Variants in VEGFC observed in about 807,000 individuals in gnomAD.
VEGFC encodes FLT4 ligand DHM.
VEGFC carries 12 observed loss-of-function variants against 46.1 expected under a neutral mutation model. That is an observed-to-expected ratio of 0.26 (90% CI 0.17 to 0.42). The LOEUF (loss-of-function observed/expected upper bound fraction) is 0.42. Ranked by LOEUF, VEGFC falls within the 10% of genes least tolerant of loss-of-function variation. The pLI is 1.00. For missense variants in VEGFC, 488 were observed against 529.4 expected (o/e 0.92, Z 0.77); for synonymous variants, 232 against 195.5 (o/e 1.19, Z -1.56).
intron 4 of VEGFC, among the ~76,000 whole-genome samples, chr4:176,709,357 G>A (rs1734584454): frequency 6.6e-6 from 1 of 152,174 alleles, no homozygotes; most frequent in African/African-American, 2.4e-5. Flanking sequence ...TTAGCTGAAT[G>A]TTGCAGACAA....
chr4:176,779,418 G>A (rs966884540), intron 1 of VEGFC, among the ~76,000 whole-genome samples: 2 of 152,120 alleles, frequency 1.3e-5, no homozygotes, highest in Admixed American at 6.5e-5. Context: ...TCTGGAAGAA[G>A]TTTAAAATGT....
chr4:176,692,415 CA>C lies in VEGFC; in HGVS notation c.705-4489del, dbSNP rs754971358. Among the ~76,000 whole-genome samples the C allele has an allele frequency of 1.3e-4, 16 of 123,054 alleles. 2 individuals carry two copies. Among genetic ancestry groups the C allele is most frequent in the African/African-American group, 3.4e-4 (8 of 23,750 alleles). The allele number at this position is 123,054 out of a possible 152,430, so 80.7% of individuals were successfully genotyped here. ...TCTCAAAAACAAACAAACAAACAAA[CA>C]AAAAAAAAACAAAAAACGGCACACC... On this transcript the variant is annotated intron_variant, in intron 4 of 6. Coordinates refer to ENST00000618562, the MANE Select transcript of VEGFC (RefSeq NM_005429.5).
intron 1 of VEGFC, among the ~76,000 whole-genome samples, chr4:176,788,355 T>C (rs1279757436): frequency 3.3e-5 from 5 of 152,216 alleles, no homozygotes; most frequent in Admixed American, 6.5e-5. Flanking sequence ...TGCAACAAGG[T>C]GCCCCTAACT....
intron 4 of VEGFC, chr4:176,689,795 A>T (rs947635514): frequency 2.0e-5 from 3 of 152,220 alleles, no homozygotes; most frequent in Non-Finnish European, 4.4e-5. Flanking sequence ...CGGTCCATGT[A>T]ACTAGATACA....
chr4:176,767,632 T>C (rs1735650048), intron 1 of VEGFC, among the ~76,000 whole-genome samples: 1 of 152,206 alleles, frequency 6.6e-6, no homozygotes, highest in Admixed American at 6.5e-5. Flanking sequence ...CACACCTCTA[T>C]AAAATGAACC....
chr4:176,689,565 G>A (rs1734111210), intron 4 of VEGFC: 1 of 152,056 alleles, frequency 6.6e-6, no homozygotes, highest in African/African-American at 2.4e-5. Context: ...TTGCCCCCTT[G>A]TCCTCCATCC....
intron 3 of VEGFC, among the ~76,000 whole-genome samples, chr4:176,713,001 C>A (rs1734642436): frequency 6.6e-6 from 1 of 152,132 alleles, no homozygotes; most frequent in Non-Finnish European, 1.5e-5. Context: ...CTTCTCCAAG[C>A]TGTATTTTTC....
chr4:176,729,471 G>T, intron 2 of VEGFC, 62 bp downstream of exon 2: 1 of 1,433,380 alleles, frequency 7.0e-7, no homozygotes, highest in South Asian at 1.4e-5. Flanking sequence ...AAAGAACCAG[G>T]CTGGCAACTT....
chr4:176,770,634 A>G (rs1486768837), intron 1 of VEGFC, among the ~76,000 whole-genome samples: 1 of 148,744 alleles, frequency 6.7e-6, no homozygotes, highest in African/African-American at 2.6e-5. Context: ...CGACTTTGAA[A>G]TTATCTATTT....
intron 1 of VEGFC, among the ~76,000 whole-genome samples, chr4:176,787,205 T>C (rs1223636113): frequency 6.6e-6 from 1 of 152,138 alleles, no homozygotes; most frequent in Non-Finnish European, 1.5e-5. Context: ...CTCATGCCTG[T>C]AATCCCAGCA....
intron 1 of VEGFC, among the ~76,000 whole-genome samples, chr4:176,734,557 A>T (rs1418924337): frequency 6.6e-6 from 1 of 151,796 alleles, no homozygotes; most frequent in East Asian, 1.9e-4. Context: ...ACCTTTTGAA[A>T]CTAAAAATAA....
intron 1 of VEGFC, among the ~76,000 whole-genome samples, chr4:176,769,054 T>C (rs1735680399): frequency 2.0e-5 from 3 of 151,848 alleles, no homozygotes; most frequent in Admixed American, 2.0e-4. Context: ...CAAGAATAAA[T>C]TGGTACCCTT....
intron 3 of VEGFC, among the ~76,000 whole-genome samples, chr4:176,726,680 T>C (rs1287663314): frequency 6.6e-6 from 1 of 152,178 alleles, no homozygotes; most frequent in Non-Finnish European, 1.5e-5. Context: ...AAAAATGTAG[T>C]TCATGGAATT....
chr4:176,684,078 C>G, intron 6 of VEGFC, 38 bp from the exon 7 acceptor site: 1 of 1,437,622 alleles, frequency 7.0e-7, no homozygotes, highest in Non-Finnish European at 9.8e-7. Flanking sequence ...CGTTAAAGAT[C>G]AAGGCAATGG....
intron 1 of VEGFC, among the ~76,000 whole-genome samples, chr4:176,746,568 C>G (rs977236630): frequency 6.6e-6 from 1 of 151,982 alleles, no homozygotes; most frequent in Non-Finnish European, 1.5e-5. Context: ...TTTTAAAAAC[C>G]TCTTCCTCTT....
chr4:176,687,283 T>C lies in VEGFC; in HGVS notation c.1049A>G (p.Asn350Ser). 1.2e-6 allele frequency: 2 copies of C among 1,614,258 alleles called. No homozygotes were observed. Among genetic ancestry groups the C allele is most frequent in the South Asian group, 2.2e-5 (2 of 91,090 alleles). Residue 350 changes from asparagine (N) to serine (S), a missense_variant, in exon 6 of 7, where the codon AAT (asparagine) becomes AGT (serine). Coordinates refer to ENST00000618562, the MANE Select transcript of VEGFC (RefSeq NM_005429.5). ...ACATTTTCCAGGATTTAGGGGTTGA[T>C]TTCTGGGGCAGGTTCTTTTACATAC... ...QCVCKRTCPR[N>S]QPLNPGKCAC...
At chr4:176,716,676 T>C (rs580893) in intron 3 of VEGFC, among the ~76,000 whole-genome samples, 13,133 of 149,928 alleles carry the variant, frequency 0.088, 1,176 homozygotes, top group African/African-American at 0.21. Flanking sequence ...AGAGAGATAC[T>C]ATGGTAGAAT....
intron 4 of VEGFC, among the ~76,000 whole-genome samples, chr4:176,700,162 A>C (rs1393449737): frequency 3.3e-5 from 5 of 152,222 alleles, no homozygotes; most frequent in Admixed American, 3.3e-4. Flanking sequence ...TACGCCTGTA[A>C]TCCCAGCATT....
intron 1 of VEGFC, among the ~76,000 whole-genome samples, chr4:176,790,600 A>G (rs990460087): frequency 6.6e-6 from 1 of 152,140 alleles, no homozygotes; most frequent in Non-Finnish European, 1.5e-5. Flanking sequence ...ACTCTCATAC[A>G]GGCTATTGGC....
Sources: allele counts gnomAD v4.1 joint callset (sites outside exome capture counted in the v4.1 genomes callset), GRCh38; gene constraint gnomAD v4.1.1; transcripts MANE v1.5; gene names NCBI Gene and HGNC (gene_info 2026-07-23, HGNC 2026-07-21).